Variants in CAPN3 observed in about 807,000 individuals in gnomAD.
The protein encoded by CAPN3 is calpain 3.
Under a neutral mutation model 114.0 loss-of-function variants are expected in CAPN3, and 88 were observed. The observed-to-expected ratio is 0.77, with a 90% confidence interval of 0.65 to 0.92. CAPN3 has a LOEUF of 0.92. CAPN3 is among the 40% of genes least tolerant of loss of function. The probability of loss-of-function intolerance (pLI) is 0.00; values close to 1 mark genes in which losing one functional copy is unlikely to be tolerated. For synonymous variants in CAPN3, 386 were observed against 382.9 expected (o/e 1.01, Z -0.09); for missense variants, 1,028 against 1,069.0 (o/e 0.96, Z 0.53).
intron 14 of CAPN3, among the ~76,000 whole-genome samples, chr15:42,405,290 A>G (rs1014544855): frequency 6.6e-6 from 1 of 152,092 alleles, no homozygotes; most frequent in Admixed American, 6.6e-5. Context: ...TTAGTAACCA[A>G]TTTCATTTTT....
intron 9 of CAPN3, 114 bp from the exon 10 acceptor site, chr15:42,399,378 G>C (rs2053799646): frequency 2.3e-6 from 2 of 866,618 alleles, no homozygotes; most frequent in Admixed American, 3.5e-5. Context: ...CTGGGACCCT[G>C]ACCAAGTTCC....
intron 1 of CAPN3, among the ~76,000 whole-genome samples, chr15:42,364,824 G>T (rs1327658133): frequency 6.6e-6 from 1 of 152,218 alleles, no homozygotes; most frequent in Non-Finnish European, 1.5e-5. Flanking sequence ...CCTCAGTCAT[G>T]CCAGGTGGAG....
chr15:42,376,777 A>G (rs979926240), intron 1 of CAPN3, among the ~76,000 whole-genome samples: 43 of 152,282 alleles, frequency 2.8e-4, no homozygotes, highest in Non-Finnish European at 5.6e-4. Flanking sequence ...ATGTGTGTGT[A>G]CTAAGCCAGC....
chr15:42,408,190 C>T, intron 15 of CAPN3, 21 bp from the exon 16 acceptor site: 1 of 1,540,466 alleles, frequency 6.5e-7, no homozygotes, highest in African/African-American at 1.4e-5. Flanking sequence ...TTCCTTCCTG[C>T]CTCCTCCCTC....
intron 1 of CAPN3, among the ~76,000 whole-genome samples, chr15:42,361,216 A>C (rs1398891636): frequency 6.6e-6 from 1 of 152,202 alleles, no homozygotes; most frequent in Non-Finnish European, 1.5e-5. Flanking sequence ...CTATAAACCC[A>C]GCATTTTGGA....
intron 13 of CAPN3, 93 bp downstream of exon 13, chr15:42,403,095 C>G (rs1295931761): frequency 1.0e-6 from 1 of 997,736 alleles, no homozygotes. Context: ...CACGTCTCCT[C>G]CAGGGTCCTT....
At chr15:42,375,114 A>ACC (rs2141134295) in intron 1 of CAPN3, among the ~76,000 whole-genome samples, 1 of 151,664 alleles carries the variant, frequency 6.6e-6, no homozygotes, top group South Asian at 2.1e-4. Flanking sequence ...TAGGCCTCCC[A>ACC]AAGTGCTGGG....
intron 9 of CAPN3, among the ~76,000 whole-genome samples, chr15:42,397,336 A>G (rs1043980811): frequency 6.6e-6 from 1 of 152,204 alleles, no homozygotes; most frequent in Non-Finnish European, 1.5e-5. Context: ...TATGATGCTC[A>G]TCACCCTTAA....
rs373936933 is a variant in CAPN3, at chr15:42,389,965, A to G, written c.814A>G (p.Met272Val). The G allele has an allele frequency of 4.3e-6, 7 of 1,613,972 alleles. No individual in the cohort carries two copies. Among genetic ancestry groups the G allele is most frequent in the South Asian group, 3.3e-5 (3 of 91,074 alleles). ...CATCGGGCCTCAGGATGGCACGAACATGACCTATGGAACCTCTCCTTCTGG... is the reference window on the plus strand; with the variant it reads ...CATCGGGCCTCAGGATGGCACGAACGTGACCTATGGAACCTCTCCTTCTGG... Reference protein sequence around the residue: ...MGCSIDDGTNMTYGTSPSGLN... With the variant: ...MGCSIDDGTNVTYGTSPSGLN... The change falls in exon 6 of 24, where the codon ATG becomes GTG. Residue 272 changes from methionine to valine, a missense_variant. By Grantham distance (21) the Met-to-Val change is conservative (BLOSUM62 1). Coordinates refer to ENST00000397163, the MANE Select transcript of CAPN3 (RefSeq NM_000070.3).
intron 8 of CAPN3, among the ~76,000 whole-genome samples, chr15:42,395,286 C>T (rs1259590090): frequency 6.6e-6 from 1 of 152,170 alleles, no homozygotes; most frequent in African/African-American, 2.4e-5. Flanking sequence ...CTCATGCCTT[C>T]CTTCACCTAT....
At chr15:42,409,232 C>A in intron 16 of CAPN3, 71 bp from the exon 17 acceptor site, 1 of 1,489,388 alleles carries the variant, frequency 6.7e-7, no homozygotes, top group Non-Finnish European at 9.3e-7. Context: ...TCCCTTGGCC[C>A]AGAGGAGCTT....
In CAPN3 at chr15:42,401,705, C is replaced by T. The variant is rs2053874750; in HGVS notation, c.1419C>T (p.Asp473=). Residue 473 remains aspartate, a synonymous_variant, in exon 11 of 24, where the codon GAC becomes GAT. Coordinates refer to ENST00000397163, the MANE Select transcript of CAPN3 (RefSeq NM_000070.3). Reference sequence around the variant, plus strand: ...TGGAGGAGGACGATGACCCTGATGACTCGGAGGTGATTTGCAGCTTCCTGG... The same window carrying T: ...TGGAGGAGGACGATGACCCTGATGATTCGGAGGTGATTTGCAGCTTCCTGG... ...KLLEEDDDPD[D]SEVICSFLVA... 4 of 1,614,052 alleles carry T rather than the reference C, an allele frequency of 2.5e-6. No individual in the cohort carries two copies. The Admixed American group carries it at 6.7e-5, about 27-fold the overall frequency.
chr15:42,367,813 C>G (rs1262901800), intron 1 of CAPN3, among the ~76,000 whole-genome samples: 12 of 152,100 alleles, frequency 7.9e-5, no homozygotes, highest in Admixed American at 7.9e-4. Context: ...TATGGTAACC[C>G]TCCCTATTTT....
At chr15:42,390,790 G>GTTTTTTTTTTTTTTTTTTT (rs373599109) in intron 6 of CAPN3, among the ~76,000 whole-genome samples, 3 of 110,300 alleles carry the variant, frequency 2.7e-5, no homozygotes, top group Non-Finnish European at 2.0e-5. Flanking sequence ...TTGTTTTTTT[G>GTTTTTTTTTTTTTTTTTTT]TTTTTTTTTT....
At chr15:42,362,003 G>T (rs2052657050) in intron 1 of CAPN3, among the ~76,000 whole-genome samples, 1 of 152,218 alleles carries the variant, frequency 6.6e-6, no homozygotes, top group South Asian at 2.1e-4. Context: ...CCCTCACCAA[G>T]CTCAGGCCAG....
chr15:42,364,568 G>A (rs1192523649), intron 1 of CAPN3, among the ~76,000 whole-genome samples: 1 of 152,240 alleles, frequency 6.6e-6, no homozygotes, highest in Non-Finnish European at 1.5e-5. Context: ...ATGAGGATGT[G>A]TGTGTGAATG....
In CAPN3 at chr15:42,363,468, C is replaced by T. The variant is rs1393236763; in HGVS notation, c.309+3354C>T. 2.0e-5 allele frequency among the ~76,000 whole-genome samples: 3 copies of T among 152,050 alleles called. No homozygotes were observed. In the East Asian group the frequency reaches 5.8e-4, roughly 29 times the overall value. ...CATGGGGTGGAAGGTTCAATTGCACCACACTCCTGGCCTGTCTCCTTCCCA... is the reference window on the plus strand; with the variant it reads ...CATGGGGTGGAAGGTTCAATTGCACTACACTCCTGGCCTGTCTCCTTCCCA... On this transcript the variant is annotated intron_variant, in intron 1 of 23. Coordinates refer to ENST00000397163, the MANE Select transcript of CAPN3 (RefSeq NM_000070.3).
chr15:42,366,856 CAG>C (rs2052797829), intron 1 of CAPN3, among the ~76,000 whole-genome samples: 1 of 119,084 alleles, frequency 8.4e-6, no homozygotes, highest in African/African-American at 3.8e-5. Flanking sequence ...TTTTTTGAGA[CAG>C]GGTCTCGCTC....
At chr15:42,411,108 C>A (rs2054210840) in intron 22 of CAPN3, 108 bp downstream of exon 22, 1 of 1,080,932 alleles carries the variant, frequency 9.3e-7, no homozygotes, top group Non-Finnish European at 1.4e-6. Context: ...GAACAAGGGC[C>A]AATGACCTCT....
Sources: allele counts gnomAD v4.1 joint callset (sites outside exome capture counted in the v4.1 genomes callset), GRCh38; gene constraint gnomAD v4.1.1; transcripts MANE v1.5; gene names NCBI Gene and HGNC (gene_info 2026-07-23, HGNC 2026-07-21).